HERC4: variants seen among roughly 807,000 people sequenced by gnomAD.
The protein encoded by HERC4 is probable E3 ubiquitin-protein ligase HERC4.
Under a neutral mutation model 124.3 loss-of-function variants are expected in HERC4, and 28 were observed. That is an observed-to-expected ratio of 0.23 (90% CI 0.17 to 0.31). HERC4 has a LOEUF of 0.31. Among genes scored for constraint, HERC4 ranks in the 10% least tolerant of loss-of-function variants. The pLI, the probability that HERC4 is intolerant of heterozygous loss-of-function variation, is 1.00. For synonymous variants in HERC4, 407 were observed against 421.5 expected, an observed-to-expected ratio of 0.97 and a Z score of 0.42; for missense variants, 713 against 1,229.3, an observed-to-expected ratio of 0.58 and a Z score of 6.28.
intron 3 of HERC4, among the ~76,000 whole-genome samples, chr10:68,052,547 A>G (rs2040366520): frequency 6.6e-6 from 1 of 152,212 alleles, no homozygotes; most frequent in South Asian, 2.1e-4. Flanking sequence ...AAAAAAAAGA[A>G]TACTGTCTCA....
chr10:68,056,161 A>C (rs2040539022), intron 3 of HERC4, among the ~76,000 whole-genome samples: 1 of 152,224 alleles, frequency 6.6e-6, no homozygotes, highest in Admixed American at 6.5e-5. Context: ...AATACAATAC[A>C]GTCATATAGT....
At position 67,936,162 on chromosome 10, in the gene HERC4, T is replaced by C; in HGVS notation, c.2645A>G (p.Lys882Arg). 6.3e-7 allele frequency: 1 copy of C among 1,586,938 alleles called. No homozygotes were observed. The highest frequency in any genetic ancestry group is 8.5e-7 in the Non-Finnish European group (1 of 1,169,690). ...GCTAAAATTCACTTACCGATTTTGT[T>C]TGTTAACAGCTGTGTCTGCACCATT... ...VLNGADTAVN[K>R]QNRQEFVDAY... is the part of the protein sequence containing the mutation. The change falls in exon 22 of 25, where the codon AAA (lysine) becomes AGA (arginine). Residue 882 changes from lysine to arginine, a missense_variant. By Grantham distance (26) the Lys-to-Arg change is conservative. Transcript: ENST00000373700.
intron 3 of HERC4, among the ~76,000 whole-genome samples, chr10:68,046,115 T>C (rs1034964172): frequency 3.3e-5 from 5 of 150,806 alleles, no homozygotes; most frequent in Non-Finnish European, 4.4e-5. Context: ...GCAAGCAAGA[T>C]ATGACACACA....
rs79804696 is a variant in HERC4, at chr10:68,070,315, A to C, written c.226+2568T>G. The C allele has an allele frequency of 7.8e-3, 7,424 of 957,164 alleles. 609 individuals are homozygous for C. The East Asian group carries it at 0.31, about 40-fold the overall frequency. The allele number at this position is 957,164 out of a possible 1,614,324, so 59.3% of individuals were successfully genotyped here. ...AATTTAGTTAAAAACATTATTTAAA[A>C]AACATCTTAGGCCAGGAGCAGTGGC... is the stretch of plus-strand genomic sequence containing the variant. On this transcript the variant is annotated intron_variant, in intron 3 of 24. Transcript: ENST00000373700.
Position 68,070,606 on chromosome 10 carries a change from C to CA in HERC4, c.226+2276dup, listed in dbSNP as rs567399173. On this transcript the variant is annotated intron_variant, in intron 3 of 24. Transcript: ENST00000373700. ...GGGAAACAAGAGCGAAACTCTGTCT[C>CA]AAAAAAAAAAATAAAAATAAAAATA... The CA allele has an allele frequency of 1.9e-3, 259 of 134,946 alleles. 1 individual carries two copies. The highest frequency in any genetic ancestry group is 6.1e-3 in the African/African-American group (224 of 36,592). 8.4% of individuals were successfully genotyped at this position (134,946 alleles called of 1,614,324 possible).
intron 19 of HERC4, among the ~76,000 whole-genome samples, chr10:67,946,344 C>T (rs2033334079): frequency 8.8e-6 from 1 of 114,042 alleles, no homozygotes; most frequent in Non-Finnish European, 1.7e-5. Context: ...ATGGATAAAA[C>T]ACAAACACAC....
At position 67,921,991 on chromosome 10, in the gene HERC4, A is replaced by G. The variant is rs1313765993; in HGVS notation, c.*940T>C. The G allele has an allele frequency of 6.6e-6, 1 of 152,224 alleles. No homozygotes were observed. The highest frequency in any genetic ancestry group is 1.5e-5 in the Non-Finnish European group (1 of 68,024). The allele number at this position is 152,224 out of a possible 1,614,324, so 9.4% of individuals were successfully genotyped here. A position where few individuals can be genotyped will look rare whatever the true frequency, so the allele number is the denominator to read the frequency against. ...AAAAAATAAATATTTGCATTATAGC[A>G]GAAAGTCACATGTATTGCATCAACT... is the stretch of plus-strand genomic sequence containing the variant. On this transcript the variant is annotated 3_prime_UTR_variant, in exon 25 of 25. Transcript: ENST00000373700.
chr10:68,004,209 T>C (rs1158176644), intron 9 of HERC4, among the ~76,000 whole-genome samples: 2 of 152,138 alleles, frequency 1.3e-5, no homozygotes, highest in African/African-American at 4.8e-5. Context: ...TCCTATAGAG[T>C]TGTTTCAGGA....
chr10:68,021,554 A>C (rs925939122), intron 8 of HERC4, among the ~76,000 whole-genome samples: 1 of 152,212 alleles, frequency 6.6e-6, no homozygotes, highest in African/African-American at 2.4e-5. Context: ...CATGCCTGTA[A>C]TCCCAGCACT....
At chr10:67,972,952 C>T (rs61446193) in intron 15 of HERC4, among the ~76,000 whole-genome samples, 11,499 of 152,134 alleles carry the variant, frequency 0.076, 1,126 homozygotes, top group African/African-American at 0.23. Flanking sequence ...TGCTGTTACA[C>T]AGAAAAATGC....
intron 8 of HERC4, among the ~76,000 whole-genome samples, chr10:68,016,108 T>C (rs2038248885): frequency 6.6e-6 from 1 of 151,928 alleles, no homozygotes; most frequent in African/African-American, 2.4e-5. Context: ...GTCTCAAAAA[T>C]ATATGTATAT....
At chr10:67,980,549 G>C (rs1421479401) in intron 15 of HERC4, among the ~76,000 whole-genome samples, 2 of 152,000 alleles carry the variant, frequency 1.3e-5, no homozygotes, top group Non-Finnish European at 2.9e-5. Flanking sequence ...AAACATTAAT[G>C]GGCAATAACA....
intron 7 of HERC4, among the ~76,000 whole-genome samples, chr10:68,028,399 C>T (rs1221090863): frequency 3.3e-5 from 5 of 152,066 alleles, no homozygotes; most frequent in Admixed American, 3.3e-4. Flanking sequence ...GTCATTATTT[C>T]TTCTCGATAT....
chr10:68,059,938 A>AT (rs1413806021), intron 3 of HERC4, among the ~76,000 whole-genome samples: 1 of 125,824 alleles, frequency 7.9e-6, no homozygotes, highest in Admixed American at 1.1e-4. Flanking sequence ...TATATATTAT[A>AT]ATAATATTAT....
At chr10:67,978,225 G>C (rs774801881) in intron 15 of HERC4, among the ~76,000 whole-genome samples, 79 of 152,164 alleles carry the variant, frequency 5.2e-4, no homozygotes, top group Non-Finnish European at 1.6e-4. Context: ...CTGAGATTGC[G>C]TCACTGCACT....
At position 67,960,184 on chromosome 10, in the gene HERC4, G is replaced by A. The variant is rs546296284; in HGVS notation, c.1927-3208C>T. 3.0e-4 allele frequency among the ~76,000 whole-genome samples: 46 copies of A among 152,308 alleles called. 1 individual carries two copies. The South Asian group carries it at 9.1e-3, about 30-fold the overall frequency. ...CCCCAGTAAAAACTCTGGGCACCAGGGTTCTGGTGAGCTTCTTTGGCTAGA... is the reference window on the plus strand; with the variant it reads ...CCCCAGTAAAAACTCTGGGCACCAGAGTTCTGGTGAGCTTCTTTGGCTAGA... On this transcript the variant is annotated intron_variant, in intron 16 of 24. Coordinates refer to ENST00000373700, the MANE Select transcript of HERC4 (RefSeq NM_015601.4).
At chr10:68,042,904 T>C (rs945810407) in intron 4 of HERC4, among the ~76,000 whole-genome samples, 3 of 152,130 alleles carry the variant, frequency 2.0e-5, no homozygotes, top group Non-Finnish European at 4.4e-5. Context: ...CCATAAAATT[T>C]TGAAAAACTG....
At chr10:67,961,944 A>C (rs2034550493) in intron 16 of HERC4, among the ~76,000 whole-genome samples, 1 of 151,908 alleles carries the variant, frequency 6.6e-6, no homozygotes, top group Non-Finnish European at 1.5e-5. Flanking sequence ...GTCTTTAGAG[A>C]CTGTTCTGCA....
At chr10:68,010,432 A>C (rs1169976477) in intron 9 of HERC4, 8 of 940,408 alleles carry the variant, frequency 8.5e-6, no homozygotes, top group African/African-American at 1.6e-5. Context: ...TCACTGCTTG[A>C]TTGCTTGCCC....
Sources: allele counts gnomAD v4.1 joint callset (sites outside exome capture counted in the v4.1 genomes callset), GRCh38; gene constraint gnomAD v4.1.1; transcripts MANE v1.5; gene names NCBI Gene and HGNC (gene_info 2026-07-23, HGNC 2026-07-21).